Variants in PTPRN2 observed in about 807,000 individuals in gnomAD.
PTPRN2 encodes receptor-type tyrosine-protein phosphatase N2.
PTPRN2 carries 74 observed loss-of-function variants against 118.8 expected under a neutral mutation model. That is an observed-to-expected ratio of 0.62 (90% CI 0.52 to 0.76). The LOEUF (loss-of-function observed/expected upper bound fraction) is 0.76. Among genes scored for constraint, PTPRN2 ranks in the 30% least tolerant of loss-of-function variants. The pLI is 0.00. For synonymous variants in PTPRN2, 641 were observed against 608.0 expected (o/e 1.05, Z -0.80); for missense variants, 1,481 against 1,394.4 (o/e 1.06, Z -0.99).
intron 22 of PTPRN2, among the ~76,000 whole-genome samples, chr7:157,542,667 G>A (rs1200300677): frequency 6.6e-6 from 1 of 152,212 alleles, no homozygotes; most frequent in Non-Finnish European, 1.5e-5. Context: ...CACAGTCACC[G>A]GACAGAGCAG....
At chr7:158,102,676 C>G (rs535344646) in intron 10 of PTPRN2, among the ~76,000 whole-genome samples, 2 of 152,074 alleles carry the variant, frequency 1.3e-5, no homozygotes, top group African/African-American at 4.8e-5. Context: ...TGCAGCTTTG[C>G]GGGTGTTGGA....
chr7:157,585,556 C>G lies in PTPRN2; in HGVS notation c.2497-7416G>C, dbSNP rs995653591. ...TTTGTGATCAGGCATTGGACCCGCA[C>G]AGGAAGTCACCTGGCACAGGCGTCA... On this transcript the variant is annotated intron_variant, in intron 17 of 22. Coordinates refer to ENST00000389418, the MANE Select transcript of PTPRN2 (RefSeq NM_002847.5). The surrounding 1 kb of genome is among the most constrained non-coding windows in gnomAD (Gnocchi z 5.2). Among the ~76,000 whole-genome samples, 2 of 152,218 alleles carry G rather than the reference C, an allele frequency of 1.3e-5. No homozygotes were observed. The highest frequency in any genetic ancestry group is 4.8e-5 in the African/African-American group (2 of 41,460).
intron 2 of PTPRN2, among the ~76,000 whole-genome samples, chr7:158,318,806 G>A (rs969235678): frequency 1.3e-5 from 2 of 152,234 alleles, no homozygotes; most frequent in Non-Finnish European, 2.9e-5. Flanking sequence ...GCTGGTCCGG[G>A]CCCCACTCGG....
intron 17 of PTPRN2, among the ~76,000 whole-genome samples, chr7:157,581,717 C>T (rs1364702969): frequency 6.6e-6 from 1 of 152,224 alleles, no homozygotes; most frequent in African/African-American, 2.4e-5. Flanking sequence ...TTGTTTGTTA[C>T]AGGTTCAACG....
At chr7:158,230,051 T>C (rs186272812) in intron 3 of PTPRN2, among the ~76,000 whole-genome samples, 1 of 152,030 alleles carries the variant, frequency 6.6e-6, no homozygotes, top group African/African-American at 2.4e-5. Flanking sequence ...AACCAACTAC[T>C]CAACAGAAAC....
In PTPRN2 at chr7:158,194,033, C is replaced by T. The variant is rs185089183; in HGVS notation, c.381-1538G>A. ...CCCAGGAACTTGAGGCTGCAGTAAGCTACGATAGCGCCGCTGTGCTCCAGC... is the reference window on the plus strand; with the variant it reads ...CCCAGGAACTTGAGGCTGCAGTAAGTTACGATAGCGCCGCTGTGCTCCAGC... On this transcript the variant is annotated intron_variant, in intron 4 of 22. Coordinates refer to ENST00000389418, the MANE Select transcript of PTPRN2 (RefSeq NM_002847.5). 5.1e-3 allele frequency among the ~76,000 whole-genome samples: 775 copies of T among 152,174 alleles called. 4 individuals are homozygous for T. The highest frequency in any genetic ancestry group is 0.018 in the African/African-American group (728 of 41,528).
chr7:158,131,221 T>TACACACACACCCAACAA (rs1554549897), intron 9 of PTPRN2, among the ~76,000 whole-genome samples: 5 of 150,032 alleles, frequency 3.3e-5, no homozygotes, highest in African/African-American at 1.2e-4. Flanking sequence ...CACACGTACA[T>TACACACACACCCAACAA]ACACACACAC....
chr7:158,171,012 CAT>C (rs200927528), intron 5 of PTPRN2, among the ~76,000 whole-genome samples: 1 of 146,638 alleles, frequency 6.8e-6, no homozygotes, highest in Admixed American at 6.8e-5. Flanking sequence ...TATATATACA[CAT>C]ACATATATAT....
chr7:158,231,053 G>A (rs1475259582), intron 3 of PTPRN2, among the ~76,000 whole-genome samples: 1 of 152,158 alleles, frequency 6.6e-6, no homozygotes, highest in Non-Finnish European at 1.5e-5. Flanking sequence ...AATTGCTTGT[G>A]TCTGGGAGTT....
intron 12 of PTPRN2, among the ~76,000 whole-genome samples, chr7:157,777,291 G>A (rs1803388176): frequency 6.6e-6 from 1 of 152,260 alleles, no homozygotes; most frequent in Non-Finnish European, 1.5e-5. Flanking sequence ...CGGTCGCTGA[G>A]TTACAGAAGG....
intron 3 of PTPRN2, among the ~76,000 whole-genome samples, chr7:158,305,209 C>T (rs1801192814): frequency 6.6e-6 from 1 of 152,184 alleles, no homozygotes; most frequent in African/African-American, 2.4e-5. Flanking sequence ...AGGAAGGGTC[C>T]ATTCAGCTGG....
intron 10 of PTPRN2, among the ~76,000 whole-genome samples, chr7:158,102,363 C>T (rs1459297506): frequency 6.6e-6 from 1 of 152,206 alleles, no homozygotes; most frequent in East Asian, 1.9e-4. Context: ...ACTGCCTGCC[C>T]TCTGCCCAAT....
At chr7:158,168,022 G>A (rs1172746237) in intron 5 of PTPRN2, among the ~76,000 whole-genome samples, 1 of 152,148 alleles carries the variant, frequency 6.6e-6, no homozygotes, top group Non-Finnish European at 1.5e-5. Flanking sequence ...TTTATTCGAG[G>A]ATATTACATG....
intron 2 of PTPRN2, among the ~76,000 whole-genome samples, chr7:158,323,421 G>A (rs1213628289): frequency 6.6e-6 from 1 of 152,200 alleles, no homozygotes; most frequent in African/African-American, 2.4e-5. Context: ...GGACCGGAAT[G>A]GACAGTGCTA....
chr7:158,125,738 AAC>A (rs1817605448), intron 9 of PTPRN2, among the ~76,000 whole-genome samples: 1 of 152,188 alleles, frequency 6.6e-6, no homozygotes, highest in African/African-American at 2.4e-5. Flanking sequence ...AGGAAGTCAC[AAC>A]ACAGCGTGGA....
At chr7:158,577,039 G>A (rs1307517019) in intron 1 of PTPRN2, among the ~76,000 whole-genome samples, 171 of 104,230 alleles carry the variant, frequency 1.6e-3, no homozygotes, top group East Asian at 5.1e-3. Flanking sequence ...GCCACAAACA[G>A]CATGGGGCCT....
intron 12 of PTPRN2, among the ~76,000 whole-genome samples, chr7:157,742,029 C>G (rs985877989): frequency 3.3e-5 from 5 of 152,198 alleles, no homozygotes; most frequent in African/African-American, 1.2e-4. Flanking sequence ...TGTGGATGGT[C>G]TGGCCCTGTG....
chr7:157,870,773 G>A (rs1810999040), intron 12 of PTPRN2, among the ~76,000 whole-genome samples: 1 of 152,202 alleles, frequency 6.6e-6, no homozygotes, highest in South Asian at 2.1e-4. Context: ...TCCTGCTCTG[G>A]GGCCAGGAGC....
intron 21 of PTPRN2, 98 bp downstream of exon 21, chr7:157,568,804 T>A: frequency 1.5e-6 from 2 of 1,320,442 alleles, no homozygotes. Flanking sequence ...AAGCAGCGAA[T>A]TTTTTCCAGG....
Sources: gnomAD v4.1 joint callset for allele counts (sites outside exome capture counted in the v4.1 genomes callset) on GRCh38, gnomAD v4.1.1 for gene constraint, Gnocchi (gnomAD v3.1) non-coding constraint, MANE v1.5 for transcripts, NCBI Gene and HGNC (gene_info 2026-07-23, HGNC 2026-07-21) for gene names.